CAMK1D: variants seen among roughly 807,000 people sequenced by gnomAD.
CAMK1D encodes calcium/calmodulin-dependent protein kinase type 1D.
A neutral mutation model predicts 47.7 loss-of-function variants in CAMK1D; 9 were observed. The ratio of observed to expected loss-of-function variants is 0.19; its 90% CI spans 0.11 to 0.33. The LOEUF (loss-of-function observed/expected upper bound fraction) is 0.33. Ranked by LOEUF, CAMK1D falls within the 10% of genes least tolerant of loss-of-function variation. The probability of loss-of-function intolerance (pLI) is 1.00; values close to 1 mark genes in which losing one functional copy is unlikely to be tolerated. For missense variants in CAMK1D, 291 were observed against 488.7 expected (o/e 0.60, Z 3.81); for synonymous variants, 184 against 184.9 (o/e 0.99, Z 0.04).
intron 1 of CAMK1D, among the ~76,000 whole-genome samples, chr10:12,402,525 G>A (rs1839266571): frequency 6.6e-6 from 1 of 152,136 alleles, no homozygotes; most frequent in African/African-American, 2.4e-5. Flanking sequence ...TTAGTCATTT[G>A]GTTTTTATCC....
chr10:12,810,836 G>A (rs1832573674), intron 6 of CAMK1D, among the ~76,000 whole-genome samples: 1 of 152,234 alleles, frequency 6.6e-6, no homozygotes, highest in Non-Finnish European at 1.5e-5. Context: ...TCTGCATGTT[G>A]GTTTCTTTGC....
chr10:12,379,744 C>T (rs997487542), intron 1 of CAMK1D, among the ~76,000 whole-genome samples: 2 of 152,156 alleles, frequency 1.3e-5, no homozygotes, highest in Non-Finnish European at 2.9e-5. Flanking sequence ...CAAAGCGAAA[C>T]CTTGTCTCAA....
intron 1 of CAMK1D, among the ~76,000 whole-genome samples, chr10:12,393,311 G>A (rs1838814619): frequency 1.3e-5 from 2 of 152,174 alleles, no homozygotes; most frequent in South Asian, 2.1e-4. Flanking sequence ...GATTACAGGC[G>A]TGAGACACTG....
intron 5 of CAMK1D, among the ~76,000 whole-genome samples, chr10:12,785,871 A>C (rs1246956281): frequency 6.6e-6 from 1 of 152,194 alleles, no homozygotes; most frequent in African/African-American, 2.4e-5. Context: ...GGCCGGGTGA[A>C]TTCAGCAGGT....
rs767712081 is a variant in CAMK1D, at chr10:12,588,883, T to TGTGC, written c.224+35528_224+35529insTGCG. Among the ~76,000 whole-genome samples, 139 of 136,266 alleles carry TGTGC rather than the reference T, an allele frequency of 1.0e-3. No homozygotes were observed. In the East Asian group the frequency reaches 0.017, roughly 17 times the overall value. The allele number at this position is 136,266 out of a possible 152,430, so 89.4% of individuals were successfully genotyped here. A position where few individuals can be genotyped will look rare whatever the true frequency, so the allele number is the denominator to read the frequency against. On this transcript the variant is annotated intron_variant, in intron 2 of 10. Transcript: ENST00000619168. ...ATGTATATATGTGTGTGTGTGTGTGTGCGTGCGTGTGTGTGTGTGTGTATA... is the reference window on the plus strand; with the variant it reads ...ATGTATATATGTGTGTGTGTGTGTGTGTGCGCGTGCGTGTGTGTGTGTGTGTATA...
chr10:12,727,032 G>C (rs540461400), intron 3 of CAMK1D, among the ~76,000 whole-genome samples: 1 of 152,212 alleles, frequency 6.6e-6, no homozygotes, highest in African/African-American at 2.4e-5. Flanking sequence ...CCCCTTCCGC[G>C]TTATCCTCAG....
chr10:12,496,881 C>T (rs1326286991), intron 1 of CAMK1D, among the ~76,000 whole-genome samples: 1 of 152,148 alleles, frequency 6.6e-6, no homozygotes, highest in East Asian at 1.9e-4. Context: ...CTAATGCTCT[C>T]CTTCCCCCCA....
intron 10 of CAMK1D, among the ~76,000 whole-genome samples, chr10:12,826,990 C>T (rs915442280): frequency 6.6e-6 from 1 of 152,244 alleles, no homozygotes; most frequent in Non-Finnish European, 1.5e-5. Context: ...CCTCTCATAT[C>T]AAGGCTTTTG....
intron 1 of CAMK1D, among the ~76,000 whole-genome samples, chr10:12,489,129 G>A (rs981077314): frequency 2.0e-5 from 3 of 152,090 alleles, no homozygotes; most frequent in African/African-American, 7.3e-5. Context: ...GTAGAGACAG[G>A]GAGTTTCACT....
At chr10:12,505,625 T>C (rs1044332965) in intron 1 of CAMK1D, among the ~76,000 whole-genome samples, 1 of 152,238 alleles carries the variant, frequency 6.6e-6, no homozygotes, top group Non-Finnish European at 1.5e-5. Context: ...CTTGCTTGTC[T>C]GGCATATTTT....
chr10:12,818,586 A>G (rs1311875094), intron 8 of CAMK1D, among the ~76,000 whole-genome samples: 1 of 151,894 alleles, frequency 6.6e-6, no homozygotes, highest in African/African-American at 2.4e-5. Flanking sequence ...CCTGGAAATC[A>G]CTTGAATCCA....
At chr10:12,453,284 G>C (rs1187782543) in intron 1 of CAMK1D, among the ~76,000 whole-genome samples, 2 of 151,678 alleles carry the variant, frequency 1.3e-5, no homozygotes, top group Non-Finnish European at 2.9e-5. Flanking sequence ...CCGCCTCCTG[G>C]GTTCAAGCGA....
intron 1 of CAMK1D, among the ~76,000 whole-genome samples, chr10:12,478,998 C>CCCAATTAA (rs1311623514): frequency 6.6e-6 from 1 of 152,130 alleles, no homozygotes; most frequent in East Asian, 1.9e-4. Context: ...ATGAGGTGCG[C>CCCAATTAA]CCAATTAACT....
intron 1 of CAMK1D, among the ~76,000 whole-genome samples, chr10:12,442,296 A>G (rs1376780101): frequency 6.6e-6 from 1 of 152,234 alleles, no homozygotes; most frequent in East Asian, 1.9e-4. Flanking sequence ...CCTGGCTAAC[A>G]TGGTGAAACC....
chr10:12,366,519 C>T (rs1285198867), intron 1 of CAMK1D, among the ~76,000 whole-genome samples: 2 of 151,622 alleles, frequency 1.3e-5, no homozygotes, highest in African/African-American at 4.8e-5. Context: ...ATTAGCCAGG[C>T]CTGGTAGCGC....
chr10:12,533,596 C>G (rs1433711121), intron 1 of CAMK1D, among the ~76,000 whole-genome samples: 1 of 152,126 alleles, frequency 6.6e-6, no homozygotes, highest in African/African-American at 2.4e-5. Context: ...TATAATGGCT[C>G]TGTGTTATCA....
intron 1 of CAMK1D, among the ~76,000 whole-genome samples, chr10:12,479,982 A>C (rs1030823595): frequency 2.0e-5 from 3 of 152,182 alleles, no homozygotes; most frequent in African/African-American, 7.2e-5. Context: ...GACTAAAAAA[A>C]GGCCTAAGCA....
intron 1 of CAMK1D, among the ~76,000 whole-genome samples, chr10:12,515,379 G>T (rs1303724059): frequency 2.1e-5 from 3 of 143,698 alleles, no homozygotes; most frequent in Non-Finnish European, 4.6e-5. Flanking sequence ...TCTATAGTTC[G>T]CTTTGCCTAT....
At chr10:12,384,975 A>G (rs1838447311) in intron 1 of CAMK1D, among the ~76,000 whole-genome samples, 2 of 152,240 alleles carry the variant, frequency 1.3e-5, no homozygotes, top group Admixed American at 6.5e-5. Flanking sequence ...ATGAATAGGC[A>G]TTTCTCCAAA....
Sources: allele counts gnomAD v4.1 joint callset (sites outside exome capture counted in the v4.1 genomes callset), GRCh38; gene constraint gnomAD v4.1.1; transcripts MANE v1.5; gene names NCBI Gene and HGNC (gene_info 2026-07-23, HGNC 2026-07-21).